Variants in WASF1 observed in about 807,000 individuals in gnomAD.
WASF1 encodes WASP family member 1.
A neutral mutation model predicts 50.5 loss-of-function variants in WASF1; 7 were observed. The observed-to-expected ratio is 0.14, with a 90% CI of 0.08 to 0.26. The LOEUF (loss-of-function observed/expected upper bound fraction) is 0.26, where lower values mean the gene tolerates loss of function less well. WASF1 is among the 10% of genes least tolerant of loss of function. WASF1 has a pLI of 1.00. For synonymous variants in WASF1, 205 were observed against 244.0 expected (o/e 0.84, Z 1.49); for missense variants, 470 against 694.7 (o/e 0.68, Z 3.64).
chr6:110,105,674 GA>G (rs1247195428), intron 7 of WASF1, 95 bp from the exon 8 acceptor site: 8 of 1,151,486 alleles, frequency 6.9e-6, no homozygotes, highest in Non-Finnish European at 9.9e-6. Context: ...CATCAACACT[GA>G]AAAAGACAAT....
chr6:110,132,726 C>T (rs1451420621), intron 3 of WASF1, among the ~76,000 whole-genome samples: 1 of 151,888 alleles, frequency 6.6e-6, no homozygotes, highest in Admixed American at 6.6e-5. Flanking sequence ...TCCATTGTAT[C>T]ATTCCTATGC....
intron 5 of WASF1, among the ~76,000 whole-genome samples, chr6:110,109,638 T>C (rs1773472532): frequency 6.6e-6 from 1 of 151,280 alleles, no homozygotes; most frequent in Non-Finnish European, 1.5e-5. Flanking sequence ...TGCAACCTCT[T>C]CCTCCCGGGT....
chr6:110,107,558 A>T (rs1773374152), intron 6 of WASF1, among the ~76,000 whole-genome samples: 1 of 152,212 alleles, frequency 6.6e-6, no homozygotes, highest in African/African-American at 2.4e-5. Flanking sequence ...CATCTAGAAG[A>T]CAGAAATTTT....
In WASF1 at chr6:110,135,421, A is replaced by T. The variant is rs192138632; in HGVS notation, c.-28-7792T>A. On this transcript the variant is annotated intron_variant, in intron 3 of 10. Coordinates refer to ENST00000392589, the MANE Select transcript of WASF1 (RefSeq NM_003931.3). ...CCTATTACTACCTGCCCAAGATTTT[A>T]AAAAAATCATGCTATCAAATGTTTT... Among the ~76,000 whole-genome samples the T allele has an allele frequency of 7.9e-3, 1,207 of 152,218 alleles. 6 individuals are homozygous for T. Among genetic ancestry groups the T allele is most frequent in the Non-Finnish European group, 0.013 (914 of 67,996 alleles).
intron 4 of WASF1, among the ~76,000 whole-genome samples, chr6:110,123,005 T>A (rs1774209137): frequency 6.6e-6 from 1 of 152,192 alleles, no homozygotes. Flanking sequence ...CTTGTTCTAC[T>A]ACTTTCTGTT....
At chr6:110,102,340 A>G in intron 9 of WASF1, 124 bp from the exon 10 acceptor site, 1 of 1,023,412 alleles carries the variant, frequency 9.8e-7, no homozygotes, top group Non-Finnish European at 1.3e-6. Flanking sequence ...ACATGCTCCT[A>G]TAGAAATTTA....
Position 110,117,442 on chromosome 6 carries a change from C to T in WASF1, c.134-3982G>A, listed in dbSNP as rs567101018. On this transcript the variant is annotated intron_variant, in intron 4 of 10. Coordinates refer to ENST00000392589, the MANE Select transcript of WASF1 (RefSeq NM_003931.3). Reference sequence around the variant, plus strand: ...TGAAGATCAAATTAATGAAATAAAACGAGAAGAAAAGATCAGATAAAAAAA... The same window carrying T: ...TGAAGATCAAATTAATGAAATAAAATGAGAAGAAAAGATCAGATAAAAAAA... Among the ~76,000 whole-genome samples, 119 of 151,750 alleles carry T rather than the reference C, an allele frequency of 7.8e-4. 1 individual carries two copies. Among genetic ancestry groups the T allele is most frequent in the Admixed American group, 5.6e-3 (85 of 15,240 alleles).
At chr6:110,108,803 G>T in intron 5 of WASF1, 122 bp from the exon 6 acceptor site, 1 of 827,810 alleles carries the variant, frequency 1.2e-6, no homozygotes, top group Non-Finnish European at 1.8e-6. Flanking sequence ...GACCTTAGTG[G>T]CTTATGAATC....
rs548314149 is a variant in WASF1, at chr6:110,124,636, G to A, written c.133+2833C>T. ...AAAACAGATGTACTGGCTGGGTATG[G>A]TGGCTCACACCTGTAATCCCAGCAC... On this transcript the variant is annotated intron_variant, in intron 4 of 10. Coordinates refer to ENST00000392589, the MANE Select transcript of WASF1 (RefSeq NM_003931.3). Among the ~76,000 whole-genome samples the A allele has an allele frequency of 4.6e-5, 7 of 152,260 alleles. No individual in the cohort carries two copies. The East Asian group carries it at 1.2e-3, about 25-fold the overall frequency.
At chr6:110,145,931 A>G (rs1393122216) in intron 3 of WASF1, among the ~76,000 whole-genome samples, 1 of 142,532 alleles carries the variant, frequency 7.0e-6, no homozygotes, top group Non-Finnish European at 1.5e-5. Flanking sequence ...GAATTGAACA[A>G]TGAGAACACA....
intron 2 of WASF1, among the ~76,000 whole-genome samples, chr6:110,169,041 T>C (rs890899040): frequency 3.3e-5 from 5 of 152,100 alleles, no homozygotes; most frequent in African/African-American, 9.7e-5. Context: ...CAACACATTA[T>C]ATCCTTTGAT....
At chr6:110,116,229 T>C (rs1026399145) in intron 4 of WASF1, among the ~76,000 whole-genome samples, 2 of 152,188 alleles carry the variant, frequency 1.3e-5, no homozygotes, top group Admixed American at 6.5e-5. Context: ...GGGCGAGGCA[T>C]TGCCTCACCC....
intron 3 of WASF1, among the ~76,000 whole-genome samples, chr6:110,151,978 A>C (rs2114582454): frequency 6.6e-6 from 1 of 152,300 alleles, no homozygotes. Context: ...TTGAGGTATA[A>C]GTGAAGCACA....
At chr6:110,177,482 T>C (rs1314040084) in intron 2 of WASF1, among the ~76,000 whole-genome samples, 2 of 152,250 alleles carry the variant, frequency 1.3e-5, no homozygotes, top group East Asian at 1.9e-4. Flanking sequence ...TTTTTCATTG[T>C]ATTTTTCACA....
intron 3 of WASF1, among the ~76,000 whole-genome samples, chr6:110,129,961 T>TGCA (rs1175963075): frequency 6.6e-6 from 1 of 152,246 alleles, no homozygotes; most frequent in Non-Finnish European, 1.5e-5. Flanking sequence ...TTTACAGTCC[T>TGCA]GCACTACTGC....
At chr6:110,102,563 T>C (rs552097752) in intron 9 of WASF1, among the ~76,000 whole-genome samples, 1 of 152,308 alleles carries the variant, frequency 6.6e-6, no homozygotes, top group Non-Finnish European at 1.5e-5. Context: ...TTGATCATAA[T>C]GCAATTTTGT....
intron 3 of WASF1, among the ~76,000 whole-genome samples, chr6:110,149,709 T>A (rs1431900241): frequency 6.6e-6 from 1 of 152,132 alleles, no homozygotes; most frequent in Non-Finnish European, 1.5e-5. Flanking sequence ...CTACTGTATT[T>A]TTGTCAGTAT....
chr6:110,148,558 C>T (rs78870342), intron 3 of WASF1, among the ~76,000 whole-genome samples: 62 of 152,128 alleles, frequency 4.1e-4, no homozygotes, highest in Middle Eastern at 6.8e-3. Flanking sequence ...TGAGAGCAAG[C>T]CATCATGGGT....
intron 4 of WASF1, among the ~76,000 whole-genome samples, chr6:110,123,948 T>C (rs1774251036): frequency 6.6e-6 from 1 of 151,874 alleles, no homozygotes; most frequent in African/African-American, 2.4e-5. Flanking sequence ...ATCCCAGTGG[T>C]TGTTAATGAA....
Sources: gnomAD v4.1 joint callset for allele counts (sites outside exome capture counted in the v4.1 genomes callset) on GRCh38, gnomAD v4.1.1 for gene constraint, MANE v1.5 for transcripts, NCBI Gene and HGNC (gene_info 2026-07-23, HGNC 2026-07-21) for gene names.